The following FHIT variants were observed in gnomAD, a reference collection of about 807,000 sequenced individuals.
The protein encoded by FHIT is bis(5'-adenosyl)-triphosphatase.
Under a neutral mutation model 17.9 loss-of-function variants are expected in FHIT, and 19 were observed. The observed-to-expected ratio is 1.06, with a 90% confidence interval of 0.74 to 1.56. The LOEUF (loss-of-function observed/expected upper bound fraction) is 1.56. Ranked by LOEUF, FHIT falls within the 40% of genes most tolerant of loss-of-function variation. The probability of loss-of-function intolerance (pLI) is 0.00; values close to 1 mark genes in which losing one functional copy is unlikely to be tolerated. For synonymous variants in FHIT, 81 were observed against 69.7 expected (o/e 1.16, Z -0.81); for missense variants, 248 against 189.2 (o/e 1.31, Z -1.82).
chr3:60,753,373 A>G (rs2042507925), intron 4 of FHIT, among the ~76,000 whole-genome samples: 1 of 152,220 alleles, frequency 6.6e-6, no homozygotes, highest in Non-Finnish European at 1.5e-5. Context: ...TAACAGAAAC[A>G]TTCATGTCCA....
chr3:60,385,923 G>A (rs879793985), intron 5 of FHIT, among the ~76,000 whole-genome samples: 2 of 152,064 alleles, frequency 1.3e-5, no homozygotes, highest in African/African-American at 4.8e-5. Flanking sequence ...ACCCTACCCT[G>A]GGGAATCGAT....
In FHIT at chr3:60,780,579, A is replaced by G. The variant is rs1002542656; in HGVS notation, c.-18+41340T>C. ...TTGCCTTCAGGCCATTAAACTCTAA[A>G]CAATCATGCAAGCAGAGCCTCTGAC... On this transcript the variant is annotated intron_variant, in intron 4 of 9. Coordinates refer to ENST00000492590, the MANE Select transcript of FHIT (RefSeq NM_002012.4). Among the ~76,000 whole-genome samples the G allele has an allele frequency of 1.1e-4, 17 of 152,094 alleles. No homozygotes were observed. In the East Asian group the frequency reaches 3.1e-3, roughly 28 times the overall value.
intron 4 of FHIT, among the ~76,000 whole-genome samples, chr3:60,812,159 A>G (rs1575555260): frequency 6.7e-6 from 1 of 148,754 alleles, no homozygotes. Context: ...AAACATGTCT[A>G]TTGGAAATAC....
At chr3:60,103,976 A>C (rs1011848645) in intron 5 of FHIT, among the ~76,000 whole-genome samples, 2 of 152,168 alleles carry the variant, frequency 1.3e-5, no homozygotes, top group African/African-American at 4.8e-5. Flanking sequence ...AGCAGAAAGG[A>C]AGTAATTCCT....
At chr3:59,988,076 C>T (rs531392512) in intron 7 of FHIT, among the ~76,000 whole-genome samples, 5 of 152,076 alleles carry the variant, frequency 3.3e-5, no homozygotes, top group Admixed American at 2.0e-4. Flanking sequence ...ATAGGGAATG[C>T]GTATCAGCTT....
chr3:60,144,860 T>G (rs1275733923), intron 5 of FHIT, among the ~76,000 whole-genome samples: 1 of 152,184 alleles, frequency 6.6e-6, no homozygotes, highest in Non-Finnish European at 1.5e-5. Flanking sequence ...TTGATTGTAG[T>G]TTTAATTCTT....
At chr3:60,311,346 T>A (rs6785656) in intron 5 of FHIT, among the ~76,000 whole-genome samples, 13,517 of 152,086 alleles carry the variant, frequency 0.089, 650 homozygotes, top group Non-Finnish European at 0.098. Flanking sequence ...TCAGGTTGTA[T>A]ATTCTGGACC....
chr3:59,982,148 C>T (rs761995861), intron 7 of FHIT, among the ~76,000 whole-genome samples: 6 of 152,116 alleles, frequency 3.9e-5, no homozygotes, highest in Admixed American at 2.6e-4. Context: ...GATGTATGGT[C>T]TCTTTTCTCA....
intron 5 of FHIT, among the ~76,000 whole-genome samples, chr3:60,450,345 A>G (rs1183817479): frequency 6.6e-6 from 1 of 152,078 alleles, no homozygotes; most frequent in Non-Finnish European, 1.5e-5. Flanking sequence ...GTTGACTGAA[A>G]TGTTTTATGG....
chr3:60,690,151 T>C, intron 4 of FHIT: 1 of 418,290 alleles, frequency 2.4e-6, no homozygotes, highest in East Asian at 5.1e-5. Flanking sequence ...TGCGAGCAAA[T>C]GGGGTGGAGG....
chr3:61,019,731 C>T (rs1192794716), intron 3 of FHIT, among the ~76,000 whole-genome samples: 1 of 152,166 alleles, frequency 6.6e-6, no homozygotes, highest in South Asian at 2.1e-4. Flanking sequence ...TCCCATGAAC[C>T]TCTTTCACAT....
chr3:60,379,832 T>C (rs534576901), intron 5 of FHIT, among the ~76,000 whole-genome samples: 1 of 152,176 alleles, frequency 6.6e-6, no homozygotes, highest in Non-Finnish European at 1.5e-5. Context: ...CTGATGTGCG[T>C]TGCAAAAGAA....
intron 5 of FHIT, among the ~76,000 whole-genome samples, chr3:60,370,310 C>T (rs1700276840): frequency 6.6e-6 from 1 of 152,158 alleles, no homozygotes; most frequent in Non-Finnish European, 1.5e-5. Flanking sequence ...AAACAGGTTT[C>T]CTTTTCAATA....
intron 5 of FHIT, among the ~76,000 whole-genome samples, chr3:60,296,283 T>C (rs577530630): frequency 2.0e-5 from 3 of 152,032 alleles, no homozygotes; most frequent in Non-Finnish European, 4.4e-5. Context: ...CACATAAACC[T>C]CACAACTTGA....
chr3:60,755,621 C>A (rs1168311052), intron 4 of FHIT, among the ~76,000 whole-genome samples: 2 of 151,944 alleles, frequency 1.3e-5, no homozygotes, highest in African/African-American at 4.8e-5. Flanking sequence ...TTTCAGAGAG[C>A]CATAAATAAA....
chr3:60,724,836 A>G (rs1268800268), intron 4 of FHIT, among the ~76,000 whole-genome samples: 2 of 151,906 alleles, frequency 1.3e-5, no homozygotes, highest in South Asian at 2.1e-4. Flanking sequence ...TTTAGTTGAG[A>G]TGGGGTTTCA....
At chr3:59,865,411 TA>T (rs1288106402) in intron 8 of FHIT, among the ~76,000 whole-genome samples, 4 of 152,400 alleles carry the variant, frequency 2.6e-5, no homozygotes, top group East Asian at 1.9e-4. Flanking sequence ...CATTTTAACG[TA>T]AGCCTTGTCA....
At chr3:60,895,112 G>A (rs1705725663) in intron 3 of FHIT, among the ~76,000 whole-genome samples, 1 of 152,260 alleles carries the variant, frequency 6.6e-6, no homozygotes, top group South Asian at 2.1e-4. Flanking sequence ...CCTTGAAGCT[G>A]GAATACTTTC....
intron 2 of FHIT, among the ~76,000 whole-genome samples, chr3:61,168,665 G>A (rs932935502): frequency 1.3e-5 from 2 of 152,290 alleles, no homozygotes; most frequent in Non-Finnish European, 1.5e-5. Context: ...TGAAGAATGC[G>A]AATTTAGTTC....
Sources: gnomAD v4.1 joint callset for allele counts (sites outside exome capture counted in the v4.1 genomes callset) on GRCh38, gnomAD v4.1.1 for gene constraint, MANE v1.5 for transcripts, NCBI Gene and HGNC (gene_info 2026-07-23, HGNC 2026-07-21) for gene names.